Variants in BCAS4 observed in about 807,000 individuals in gnomAD.
The protein encoded by BCAS4 is breast carcinoma amplified sequence 4.
BCAS4 carries 9 observed loss-of-function variants against 15.7 expected under a neutral mutation model. The observed-to-expected ratio is 0.57, with a 90% CI of 0.34 to 1.00. The LOEUF is 1.00. Among genes scored for constraint, BCAS4 ranks in the 50% least tolerant of loss-of-function variants. The pLI is 0.02. For synonymous variants in BCAS4, 101 were observed against 99.5 expected (o/e 1.02, Z -0.09); for missense variants, 225 against 239.1 (o/e 0.94, Z 0.39).
intron 4 of BCAS4, among the ~76,000 whole-genome samples, chr20:50,855,964 C>G (rs973545455): frequency 6.6e-6 from 1 of 152,164 alleles, no homozygotes; most frequent in Non-Finnish European, 1.5e-5. Context: ...AAAAGAGGAA[C>G]GAGCTCAAGG....
intron 4 of BCAS4, among the ~76,000 whole-genome samples, chr20:50,861,695 C>T (rs1979078023): frequency 6.6e-6 from 1 of 152,090 alleles, no homozygotes. Flanking sequence ...CCCATCTCCC[C>T]CCGCTCCAGC....
chr20:50,795,003 A>ACCGGGGGCGGGGCT, upstream of BCAS4: 1 of 1,347,680 alleles, frequency 7.4e-7, no homozygotes, highest in Non-Finnish European at 9.5e-7. Flanking sequence ...CATGCAGCGG[A>ACCGGGGGCGGGGCT]CCGGGGGCGG....
At chr20:50,871,675 G>A (rs117993786) in intron 4 of BCAS4, among the ~76,000 whole-genome samples, 1 of 152,202 alleles carries the variant, frequency 6.6e-6, no homozygotes, top group Non-Finnish European at 1.5e-5. Flanking sequence ...CTGTCTTGCC[G>A]CGTCTTCTAA....
chr20:50,816,900 G>A (rs986477841), intron 1 of BCAS4, among the ~76,000 whole-genome samples: 1 of 147,716 alleles, frequency 6.8e-6, no homozygotes, highest in Non-Finnish European at 1.5e-5. Flanking sequence ...CGCCTCCCGG[G>A]TTCAAGCGAT....
chr20:50,867,556 C>T (rs183696434), intron 4 of BCAS4, among the ~76,000 whole-genome samples: 6 of 152,008 alleles, frequency 3.9e-5, no homozygotes, highest in African/African-American at 1.4e-4. Context: ...TGGGGTCTCC[C>T]TGTGTTGCCC....
chr20:50,874,261 G>T (rs1029282909), intron 4 of BCAS4, among the ~76,000 whole-genome samples: 1 of 152,054 alleles, frequency 6.6e-6, no homozygotes, highest in African/African-American at 2.4e-5. Context: ...CCCTGTCTAC[G>T]CGCTGATCCC....
intron 1 of BCAS4, among the ~76,000 whole-genome samples, chr20:50,811,564 A>G (rs377604815): frequency 6.6e-6 from 1 of 152,024 alleles, no homozygotes; most frequent in African/African-American, 2.4e-5. Context: ...GCAGAGGGGC[A>G]ATCACGAATC....
At chr20:50,823,962 C>A (rs531987997) in intron 2 of BCAS4, among the ~76,000 whole-genome samples, 2 of 152,178 alleles carry the variant, frequency 1.3e-5, no homozygotes, top group South Asian at 4.2e-4. Context: ...AAGATCGTTG[C>A]TGAGCACAGT....
In BCAS4 at chr20:50,868,931, C is replaced by T. The variant is rs145667685; in HGVS notation, c.400-7555C>T. Among the ~76,000 whole-genome samples the T allele has an allele frequency of 2.7e-4, 41 of 152,334 alleles. No homozygotes were observed. The East Asian group carries it at 7.3e-3, about 27-fold the overall frequency. On this transcript the variant is annotated intron_variant, in intron 4 of 4. Transcript: ENST00000371608. The stretch of plus-strand genomic sequence containing the variant: ...AAGGTGGCCCGTTGAGCTGACAGGG[C>T]GTCTCAAGGAAGTAGTCAGGGACCC...
At chr20:50,833,061 A>G (rs1231745878) in intron 3 of BCAS4, 1 of 152,312 alleles carries the variant, frequency 6.6e-6, no homozygotes, top group Non-Finnish European at 1.5e-5. Context: ...TATGGGATCT[A>G]CAGGACCTTG....
chr20:50,871,339 G>A (rs1046804697), intron 4 of BCAS4, among the ~76,000 whole-genome samples: 8 of 152,222 alleles, frequency 5.3e-5, no homozygotes, highest in African/African-American at 1.9e-4. Flanking sequence ...ATGCGGGTGT[G>A]CCGGTGAGGG....
At chr20:50,818,860 C>G (rs1481230408) in intron 2 of BCAS4, among the ~76,000 whole-genome samples, 1 of 152,222 alleles carries the variant, frequency 6.6e-6, no homozygotes, top group Non-Finnish European at 1.5e-5. Flanking sequence ...GCCCAGAAGA[C>G]AAAGCCTCCC....
rs1231222139 is a variant in BCAS4 at position 50,822,636 on chromosome 20, GTTTT to G, written c.162+4367_162+4370del. 7.1e-5 allele frequency among the ~76,000 whole-genome samples: 10 copies of G among 140,418 alleles called. 1 individual carries two copies. In the Admixed American group the frequency reaches 7.2e-4, roughly 10 times the overall value. 92.1% of individuals were successfully genotyped at this position (140,418 alleles called of 152,430 possible). On this transcript the variant is annotated intron_variant, in intron 2 of 4. Coordinates refer to ENST00000371608, the MANE Select transcript of BCAS4 (RefSeq NM_198799.4). ...AAAACAGCTTGGCAGTTTCTTACAGGTTTTTTTTTTTTTTTTGGAGACACAGTCT... is the reference window on the plus strand; with the variant it reads ...AAAACAGCTTGGCAGTTTCTTACAGGTTTTTTTTTTTTGGAGACACAGTCT...
intron 1 of BCAS4, among the ~76,000 whole-genome samples, chr20:50,816,253 T>C (rs2088135792): frequency 6.6e-6 from 1 of 152,188 alleles, no homozygotes; most frequent in South Asian, 2.1e-4. Flanking sequence ...CTCGAACTCC[T>C]GACCTCAGGT....
intron 4 of BCAS4, among the ~76,000 whole-genome samples, chr20:50,845,962 G>T (rs2088538571): frequency 6.6e-6 from 1 of 152,240 alleles, no homozygotes. Context: ...GGGGTCCGGT[G>T]CAGGAAGTGA....
intron 4 of BCAS4, among the ~76,000 whole-genome samples, chr20:50,862,242 G>T (rs1979121849): frequency 1.3e-5 from 2 of 151,546 alleles, no homozygotes; most frequent in African/African-American, 4.9e-5. Context: ...CTGCCCTCTT[G>T]TTTTTGGCAC....
In BCAS4 at chr20:50,851,934, T is replaced by G. The variant is rs1978451327; in HGVS notation, c.399+10034T>G. ...CCTCATCTGCATTTTCTCCTGTTGT[T>G]CCCCTAGCCTGAGAGCTGCTCAAGG... On this transcript the variant is annotated intron_variant, in intron 4 of 4. Coordinates refer to ENST00000371608, the MANE Select transcript of BCAS4 (RefSeq NM_198799.4). This position sits in a 1 kb window ranked among gnomAD's most constrained non-coding sequence, Gnocchi z 4.3. 6.6e-6 allele frequency among the ~76,000 whole-genome samples: 1 copy of G among 152,196 alleles called. No homozygotes were observed. Among genetic ancestry groups the G allele is most frequent in the Non-Finnish European group, 1.5e-5 (1 of 68,038 alleles).
intron 4 of BCAS4, among the ~76,000 whole-genome samples, chr20:50,858,521 G>A (rs1978888107): frequency 6.6e-6 from 1 of 152,226 alleles, no homozygotes; most frequent in Middle Eastern, 3.4e-3. Flanking sequence ...AGAATCACTT[G>A]AAACCAAGAG....
chr20:50,802,609 C>T (rs112240945), intron 1 of BCAS4, among the ~76,000 whole-genome samples: 9 of 152,318 alleles, frequency 5.9e-5, no homozygotes, highest in African/African-American at 1.9e-4. Context: ...TGTTGGCCCA[C>T]GCCTGTAATC....
Sources: gnomAD v4.1 joint callset for allele counts (sites outside exome capture counted in the v4.1 genomes callset) on GRCh38, gnomAD v4.1.1 for gene constraint, Gnocchi (gnomAD v3.1) non-coding constraint, MANE v1.5 for transcripts, NCBI Gene and HGNC (gene_info 2026-07-23, HGNC 2026-07-21) for gene names.